ZNF148: variants seen among roughly 807,000 people sequenced by gnomAD.
ZNF148 encodes the protein Beta-Enolase Repressor Factor-1.
Under a neutral mutation model 67.7 loss-of-function variants are expected in ZNF148, and 7 were observed. The ratio of observed to expected loss-of-function variants is 0.10; its 90% CI spans 0.06 to 0.19. The LOEUF is 0.19. Ranked by LOEUF, ZNF148 falls within the 10% of genes least tolerant of loss-of-function variation. The probability of loss-of-function intolerance (pLI) is 1.00; values close to 1 mark genes in which losing one functional copy is unlikely to be tolerated. For missense variants in ZNF148, 583 were observed against 947.1 expected (o/e 0.62, Z 5.05); for synonymous variants, 333 against 330.7 (o/e 1.01, Z -0.08).
rs569082369 is a variant in ZNF148, at chr3:125,313,557, T to G, written c.84A>C (p.Val28=). Residue 28 remains valine (V), a synonymous_variant, in exon 4 of 9, where the codon GTA becomes GTC. Transcript: ENST00000360647. ...DEMQSSRTMV[V]MGGVSGQSTV... The stretch of plus-strand genomic sequence containing the variant: ...TAGACTGGCCAGACACTCCACCCAT[T>G]ACAACCATTGTCCTGGAAGACTGCA... The G allele has an allele frequency of 6.2e-7, 1 of 1,614,204 alleles. No individual in the cohort carries two copies. The highest frequency in any genetic ancestry group is 1.7e-5 in the Admixed American group (1 of 60,028).
chr3:125,308,423 T>A (rs890121132), intron 4 of ZNF148, among the ~76,000 whole-genome samples: 6 of 151,884 alleles, frequency 4.0e-5, no homozygotes, highest in African/African-American at 1.5e-4. Flanking sequence ...AAAGGTGTAC[T>A]ACATTCATGG....
At chr3:125,353,767 TA>T (rs920418052) in intron 1 of ZNF148, among the ~76,000 whole-genome samples, 144 of 145,366 alleles carry the variant, frequency 9.9e-4, no homozygotes, top group Non-Finnish European at 1.0e-3. Flanking sequence ...GAATAAAGTT[TA>T]AAAAAAAAAA....
chr3:125,238,164 A>G (rs1203956041), intron 7 of ZNF148, among the ~76,000 whole-genome samples: 1 of 152,162 alleles, frequency 6.6e-6, no homozygotes, highest in Non-Finnish European at 1.5e-5. Context: ...TAAGTGTGAG[A>G]CCTAAAACTA....
chr3:125,274,996 G>A (rs1937971610), intron 7 of ZNF148, among the ~76,000 whole-genome samples: 1 of 152,154 alleles, frequency 6.6e-6, no homozygotes, highest in South Asian at 2.1e-4. Flanking sequence ...CTTAGAAAAT[G>A]AAAGGAAGAA....
intron 4 of ZNF148, among the ~76,000 whole-genome samples, chr3:125,306,266 T>A (rs964706697): frequency 6.6e-6 from 1 of 151,852 alleles, no homozygotes; most frequent in South Asian, 2.1e-4. Flanking sequence ...GAAGAGCAAA[T>A]GAAAACCAAA....
chr3:125,332,872 C>G (rs987023559), intron 1 of ZNF148, among the ~76,000 whole-genome samples: 6 of 152,152 alleles, frequency 3.9e-5, no homozygotes, highest in African/African-American at 1.4e-4. Context: ...ACTGCTTGTT[C>G]ACTATTCTAT....
intron 5 of ZNF148, among the ~76,000 whole-genome samples, chr3:125,279,772 G>C (rs1175002459): frequency 6.7e-6 from 1 of 149,988 alleles, no homozygotes; most frequent in Non-Finnish European, 1.5e-5. Context: ...GCAAAGTTTA[G>C]AACCCAGTGT....
chr3:125,268,846 A>G (rs1937600694), intron 7 of ZNF148, among the ~76,000 whole-genome samples: 1 of 152,134 alleles, frequency 6.6e-6, no homozygotes, highest in African/African-American at 2.4e-5. Context: ...ACAAAAATTG[A>G]CAAGTGGGAC....
At chr3:125,341,999 C>G (rs6804933) in intron 1 of ZNF148, among the ~76,000 whole-genome samples, 2,146 of 138,584 alleles carry the variant, frequency 0.015, 54 homozygotes, top group African/African-American at 0.037. Flanking sequence ...TGTTTCGGGG[C>G]GGGGGGGGGA....
At chr3:125,283,217 C>G (rs1938482863) in intron 5 of ZNF148, among the ~76,000 whole-genome samples, 1 of 152,114 alleles carries the variant, frequency 6.6e-6, no homozygotes, top group Non-Finnish European at 1.5e-5. Flanking sequence ...ACTTGACTGT[C>G]CTGGTCATCG....
chr3:125,234,298 A>G lies in ZNF148; in HGVS notation c.699T>C (p.Gly233=). ...GEKPFRCDEC[G]MRFIQKYHME... Reference sequence around the variant, plus strand: ...TATGATATTTTTGTATGAATCTCATACCACATTCATCACAGCGAAATGGTT... The same window carrying G: ...TATGATATTTTTGTATGAATCTCATGCCACATTCATCACAGCGAAATGGTT... The change falls in exon 8 of 9, where the codon GGT becomes GGC. Residue 233 remains glycine (G), a synonymous_variant. Coordinates refer to ENST00000360647, the MANE Select transcript of ZNF148 (RefSeq NM_021964.3). 1 of 1,610,690 alleles carries G rather than the reference A, an allele frequency of 6.2e-7. No individual in the cohort carries two copies.
Position 125,317,662 on chromosome 3 carries a change from T to TATATATATATATAGAGAGAGAGAG in ZNF148, c.-16-4007_-16-4006insCTCTCTCTCTCTATATATATATAT, listed in dbSNP as rs752542874. On this transcript the variant is annotated intron_variant, in intron 3 of 8. Transcript: ENST00000360647. Reference sequence around the variant, plus strand: ...GATCTTTTATATATATATATATATATAGAGAGAGAGAGAGAGAAATACATA... The same window carrying TATATATATATATAGAGAGAGAGAG: ...GATCTTTTATATATATATATATATATATATATATATATAGAGAGAGAGAGAGAGAGAGAGAGAGAGAAATACATA... Among the ~76,000 whole-genome samples the TATATATATATATAGAGAGAGAGAG allele has an allele frequency of 1.3e-4, 12 of 90,048 alleles. No homozygotes were observed. The South Asian group carries it at 1.5e-3, about 12-fold the overall frequency. 59.1% of individuals were successfully genotyped at this position (90,048 alleles called of 152,430 possible).
intron 6 of ZNF148, 125 bp downstream of exon 6, chr3:125,278,999 C>A (rs1008667206): frequency 5.6e-6 from 6 of 1,076,902 alleles, no homozygotes; most frequent in Non-Finnish European, 7.5e-6. Context: ...TTCTGGCCTA[C>A]AAAATCTCTG....
intron 7 of ZNF148, among the ~76,000 whole-genome samples, chr3:125,256,404 T>C (rs1937080424): frequency 6.7e-6 from 1 of 149,160 alleles, no homozygotes; most frequent in Non-Finnish European, 1.5e-5. Context: ...TGGCTAGGTG[T>C]GGTGGCTCAT....
intron 4 of ZNF148, 121 bp from the exon 5 acceptor site, chr3:125,288,349 T>C: frequency 9.9e-7 from 1 of 1,005,716 alleles, no homozygotes; most frequent in African/African-American, 1.6e-5. Context: ...TGATGATCTA[T>C]GTGTGTGTGT....
intron 3 of ZNF148, among the ~76,000 whole-genome samples, chr3:125,321,854 A>G (rs73195466): frequency 0.018 from 2,784 of 152,074 alleles, 35 homozygotes; most frequent in Non-Finnish European, 0.028. Context: ...ATTTCCCTGT[A>G]TACTATGAAC....
intron 5 of ZNF148, among the ~76,000 whole-genome samples, chr3:125,286,789 GCACAAATTTGAAAAAAGAAA>G: frequency 6.6e-6 from 1 of 152,164 alleles, no homozygotes; most frequent in East Asian, 1.9e-4. Context: ...ATATCTATCT[GCACAAATTTGAAAAAAGAAA>G]GGGAATATGG....
intron 4 of ZNF148, among the ~76,000 whole-genome samples, chr3:125,312,895 C>CA (rs1192447845): frequency 1.3e-5 from 2 of 152,000 alleles, no homozygotes; most frequent in Non-Finnish European, 2.9e-5. Flanking sequence ...ACAAAGAGAA[C>CA]AGAGAATAGG....
intron 4 of ZNF148, chr3:125,292,777 C>A (rs1184707284): frequency 1.3e-5 from 2 of 152,284 alleles, no homozygotes; most frequent in East Asian, 3.9e-4. Context: ...GTCCCTTATG[C>A]CCTTTCAGGT....
Sources: gnomAD v4.1 joint callset for allele counts (sites outside exome capture counted in the v4.1 genomes callset) on GRCh38, gnomAD v4.1.1 for gene constraint, MANE v1.5 for transcripts, NCBI Gene and HGNC (gene_info 2026-07-23, HGNC 2026-07-21) for gene names.